Variants in TAF4B observed in about 807,000 individuals in gnomAD.
TAF4B encodes transcription initiation factor TFIID subunit 4B.
TAF4B carries 38 observed loss-of-function variants against 86.4 expected under a neutral mutation model. The ratio of observed to expected loss-of-function variants is 0.44; its 90% CI spans 0.34 to 0.58. The LOEUF (loss-of-function observed/expected upper bound fraction) is 0.58. Among genes scored for constraint, TAF4B ranks in the 20% least tolerant of loss-of-function variants. TAF4B has a pLI of 0.02. For missense variants in TAF4B, 988 were observed against 1,027.6 expected (o/e 0.96, Z 0.53); for synonymous variants, 388 against 391.2 (o/e 0.99, Z 0.10).
chr18:26,311,375 C>T (rs1178280628), intron 9 of TAF4B, among the ~76,000 whole-genome samples: 1 of 152,170 alleles, frequency 6.6e-6, no homozygotes, highest in Non-Finnish European at 1.5e-5. Flanking sequence ...TGGCTCACAC[C>T]TGTAATCCCA....
intron 1 of TAF4B, chr18:26,256,426 G>A: frequency 1.2e-6 from 1 of 864,998 alleles, no homozygotes; most frequent in South Asian, 1.4e-5. Context: ...GAGGTGCAGA[G>A]TGCACGCCAG....
At chr18:26,374,245 A>G (rs1373812004) in intron 14 of TAF4B, among the ~76,000 whole-genome samples, 2 of 152,220 alleles carry the variant, frequency 1.3e-5, no homozygotes, top group African/African-American at 2.4e-5. Flanking sequence ...TAGCCTAATC[A>G]TGAGCTTATG....
At chr18:26,271,006 T>C (rs1389036324) in intron 3 of TAF4B, among the ~76,000 whole-genome samples, 1 of 152,250 alleles carries the variant, frequency 6.6e-6, no homozygotes, top group Non-Finnish European at 1.5e-5. Context: ...TTGATGCATA[T>C]TTTAAGTTGG....
Position 26,285,222 on chromosome 18 carries a change from G to GTTTTTGTTTTTTTTTTTTTTTTTTTT in TAF4B, c.973-655_973-654insGTTTTTTTTTTTTTTTTTTTTTTTTT. Among the ~76,000 whole-genome samples, 23 of 45,658 alleles carry GTTTTTGTTTTTTTTTTTTTTTTTTTT rather than the reference G, an allele frequency of 5.0e-4. 1 individual carries two copies. Among genetic ancestry groups the GTTTTTGTTTTTTTTTTTTTTTTTTTT allele is most frequent in the East Asian group, 1.1e-3 (1 of 914 alleles). The allele number at this position is 45,658 out of a possible 152,430, so 30.0% of individuals were successfully genotyped here. A position where few individuals can be genotyped will look rare whatever the true frequency, so the allele number is the denominator to read the frequency against. On this transcript the variant is annotated intron_variant, in intron 6 of 14. Coordinates refer to ENST00000269142, the MANE Select transcript of TAF4B (RefSeq NM_005640.3). ...ATTTCTTCCTTTCCTTTTTTTTTTTGTTTTTTTTTTTTTTGGAGATGGGGT... is the reference window on the plus strand; with the variant it reads ...ATTTCTTCCTTTCCTTTTTTTTTTTGTTTTTGTTTTTTTTTTTTTTTTTTTTTTTTTTTTTTTTTTGGAGATGGGGT...
At chr18:26,277,514 T>C (rs2056397850) in intron 5 of TAF4B, among the ~76,000 whole-genome samples, 1 of 152,214 alleles carries the variant, frequency 6.6e-6, no homozygotes, top group Non-Finnish European at 1.5e-5. Flanking sequence ...TTTGCAAATC[T>C]CTTTAGTGGC....
chr18:26,313,065 A>G (rs1054898160), intron 9 of TAF4B, among the ~76,000 whole-genome samples: 2 of 152,138 alleles, frequency 1.3e-5, no homozygotes, highest in Admixed American at 6.5e-5. Flanking sequence ...TATTATGCCT[A>G]TGTAAGCGTA....
chr18:26,373,783 T>TCCTC (rs1002070263), intron 14 of TAF4B, among the ~76,000 whole-genome samples: 5 of 152,142 alleles, frequency 3.3e-5, no homozygotes, highest in Non-Finnish European at 7.4e-5. Context: ...ATTTATTCAT[T>TCCTC]CCTCCCTCCC....
chr18:26,335,085 A>G, intron 12 of TAF4B, 90 bp from the exon 13 acceptor site: 3 of 940,804 alleles, frequency 3.2e-6, no homozygotes, highest in Non-Finnish European at 4.9e-6. Context: ...TTCAATCACA[A>G]GAGAAAATTG....
chr18:26,237,787 CAG>C (rs1038627683), intron 1 of TAF4B, among the ~76,000 whole-genome samples: 34 of 152,126 alleles, frequency 2.2e-4, no homozygotes, highest in African/African-American at 8.0e-4. Context: ...TTTTCCCCAT[CAG>C]AGAGAGAATA....
At chr18:26,331,919 T>C (rs1220414973) in intron 12 of TAF4B, among the ~76,000 whole-genome samples, 2 of 152,222 alleles carry the variant, frequency 1.3e-5, no homozygotes, top group African/African-American at 4.8e-5. Flanking sequence ...TGCACTTAAA[T>C]GTAAACTTCT....
intron 9 of TAF4B, among the ~76,000 whole-genome samples, chr18:26,313,832 A>AT (rs940866019): frequency 4.0e-5 from 6 of 151,206 alleles, no homozygotes; most frequent in South Asian, 4.2e-4. Flanking sequence ...TGCCTGGCTA[A>AT]TTTTTTTTTG....
At chr18:26,237,592 G>C (rs1454727337) in intron 1 of TAF4B, among the ~76,000 whole-genome samples, 1 of 152,100 alleles carries the variant, frequency 6.6e-6, no homozygotes, top group African/African-American at 2.4e-5. Context: ...GGGAAGCTAG[G>C]ATATGGAGGT....
At chr18:26,235,470 A>G (rs1467998809) in intron 1 of TAF4B, among the ~76,000 whole-genome samples, 1 of 152,194 alleles carries the variant, frequency 6.6e-6, no homozygotes, top group Non-Finnish European at 1.5e-5. Flanking sequence ...TGTACCCTTG[A>G]TTAGCTAGAA....
chr18:26,275,974 C>A (rs2056378564), intron 5 of TAF4B, among the ~76,000 whole-genome samples: 1 of 148,774 alleles, frequency 6.7e-6, no homozygotes, highest in African/African-American at 2.5e-5. Context: ...TGAGATTGCA[C>A]CACTGTACTC....
chr18:26,328,173 G>A (rs893603733), intron 12 of TAF4B, among the ~76,000 whole-genome samples: 8 of 152,142 alleles, frequency 5.3e-5, no homozygotes, highest in African/African-American at 1.7e-4. Flanking sequence ...TTTTGAGGCC[G>A]GGCACAGTGG....
rs747160448 is a variant in TAF4B at position 26,286,344 on chromosome 18, A to C, written c.1435A>C (p.Ile479Leu). 5.0e-6 allele frequency: 8 copies of C among 1,614,180 alleles called. No homozygotes were observed. Among genetic ancestry groups the C allele is most frequent in the Non-Finnish European group, 6.8e-6 (8 of 1,180,018 alleles). The part of the protein sequence containing the change: ...VTFGETSGAA[I>L]CLPSVKPVVS... Reference sequence around the variant, plus strand: ...TTTTGGAGAAACTTCAGGTGCAGCTATTTGTCTTCCATCTGTGAAACCTGT... The same window carrying C: ...TTTTGGAGAAACTTCAGGTGCAGCTCTTTGTCTTCCATCTGTGAAACCTGT... Residue 479 changes from isoleucine to leucine, a missense_variant, in exon 7 of 15, where the codon ATT becomes CTT. Physicochemically the swap from Ile to Leu is conservative, Grantham distance 5. Coordinates refer to ENST00000269142, the MANE Select transcript of TAF4B (RefSeq NM_005640.3).
In TAF4B at chr18:26,391,386, A is replaced by G. The variant is rs1173521557; in HGVS notation, c.*1374A>G. The G allele has an allele frequency of 6.6e-6, 1 of 150,774 alleles. No individual in the cohort carries two copies. The highest frequency in any genetic ancestry group is 1.5e-5 in the Non-Finnish European group (1 of 67,764). The allele number at this position is 150,774 out of a possible 1,614,324, so 9.3% of individuals were successfully genotyped here. ...GGAAAAAAAAAAAAACACCTCACGTATGTTATTCTTCATCCTGTTCTTCCC... is the reference window on the plus strand; with the variant it reads ...GGAAAAAAAAAAAAACACCTCACGTGTGTTATTCTTCATCCTGTTCTTCCC... On this transcript the variant is annotated 3_prime_UTR_variant, in exon 15 of 15. Coordinates refer to ENST00000269142, the MANE Select transcript of TAF4B (RefSeq NM_005640.3).
chr18:26,334,619 T>C (rs949277142), intron 12 of TAF4B, among the ~76,000 whole-genome samples: 3 of 152,216 alleles, frequency 2.0e-5, no homozygotes, highest in Non-Finnish European at 4.4e-5. Context: ...CAGCATTCTA[T>C]TAAGTGCTAT....
chr18:26,284,239 T>C (rs72880139), intron 6 of TAF4B, among the ~76,000 whole-genome samples: 6,649 of 152,286 alleles, frequency 0.044, 201 homozygotes, highest in Non-Finnish European at 0.061. Context: ...TCAGCCTTCA[T>C]AGAATTGAAG....
Sources: gnomAD v4.1 joint callset for allele counts (sites outside exome capture counted in the v4.1 genomes callset) on GRCh38, gnomAD v4.1.1 for gene constraint, MANE v1.5 for transcripts, NCBI Gene and HGNC (gene_info 2026-07-23, HGNC 2026-07-21) for gene names.